KDM4C: variants seen among roughly 807,000 people sequenced by gnomAD.
KDM4C encodes the protein lysine-specific demethylase 4C.
In KDM4C, 81 loss-of-function variants were observed where a neutral mutation model predicts 129.3. The ratio of observed to expected loss-of-function variants is 0.63; its 90% CI spans 0.52 to 0.75. KDM4C has a LOEUF of 0.75. Among genes scored for constraint, KDM4C ranks in the 30% least tolerant of loss-of-function variants. KDM4C has a pLI of 0.00. For missense variants in KDM4C, 1,457 were observed against 1,304.0 expected, an observed-to-expected ratio of 1.12 and a Z score of -1.81; for synonymous variants, 573 against 456.1, an observed-to-expected ratio of 1.26 and a Z score of -3.26.
intron 17 of KDM4C, among the ~76,000 whole-genome samples, chr9:7,071,219 TATTA>T (rs1234859402): frequency 1.3e-5 from 2 of 152,212 alleles, no homozygotes; most frequent in African/African-American, 4.8e-5. Context: ...GTTGTTAAAA[TATTA>T]ATTCTCCACC....
At chr9:6,748,224 T>C (rs1297072885) in intron 1 of KDM4C, among the ~76,000 whole-genome samples, 2 of 140,836 alleles carry the variant, frequency 1.4e-5, no homozygotes, top group Non-Finnish European at 3.1e-5. Flanking sequence ...ACAACAGGAA[T>C]TGGCTGGGCG....
chr9:6,960,512 G>A (rs1829855664), intron 8 of KDM4C, among the ~76,000 whole-genome samples: 1 of 151,854 alleles, frequency 6.6e-6, no homozygotes, highest in African/African-American at 2.4e-5. Context: ...TCCTACCTCG[G>A]CCTTCCAAAA....
intron 17 of KDM4C, among the ~76,000 whole-genome samples, chr9:7,080,247 T>C (rs528499019): frequency 1.3e-5 from 2 of 152,152 alleles, no homozygotes; most frequent in Admixed American, 1.3e-4. Flanking sequence ...ATAACCCCCA[T>C]GTATTCTCCT....
chr9:6,801,618 GCTCTCTCTCTCTCTCT>G (rs147393202), intron 2 of KDM4C, among the ~76,000 whole-genome samples: 3 of 145,512 alleles, frequency 2.1e-5, no homozygotes, highest in African/African-American at 5.0e-5. Context: ...GTGCAGATAT[GCTCTCTCTCTCTCTCT>G]CTCTCTGTCT....
At chr9:6,916,142 T>C (rs778557091) in intron 8 of KDM4C, among the ~76,000 whole-genome samples, 62 of 152,206 alleles carry the variant, frequency 4.1e-4, no homozygotes, top group Non-Finnish European at 8.2e-4. Context: ...GGTAAGGTGT[T>C]TTTGACAGTC....
At chr9:6,963,756 G>A (rs1481199920) in intron 8 of KDM4C, among the ~76,000 whole-genome samples, 1 of 152,126 alleles carries the variant, frequency 6.6e-6, no homozygotes, top group Non-Finnish European at 1.5e-5. Flanking sequence ...TCATTTTCCT[G>A]CCTCTCAGTC....
intron 8 of KDM4C, among the ~76,000 whole-genome samples, chr9:6,904,739 A>G (rs993530260): frequency 2.0e-5 from 3 of 152,224 alleles, no homozygotes; most frequent in African/African-American, 4.8e-5. Context: ...ATGTATTTTT[A>G]AGAAAAACTT....
intron 17 of KDM4C, among the ~76,000 whole-genome samples, chr9:7,083,711 A>ATGTGTGTGTGTGTGTG (rs142609948): frequency 0.012 from 1,717 of 143,274 alleles, 29 homozygotes; most frequent in African/African-American, 0.038. Context: ...CACATGACTG[A>ATGTGTGTGTGTGTGTG]TGTGTGTGTG....
chr9:6,752,416 T>C (rs1818104385), intron 1 of KDM4C, among the ~76,000 whole-genome samples: 1 of 143,686 alleles, frequency 7.0e-6, no homozygotes, highest in African/African-American at 2.7e-5. Flanking sequence ...ACCAGGGATT[T>C]TTTTTTTTTT....
At position 6,768,644 on chromosome 9, in the gene KDM4C, A is replaced by G. The variant is rs540370241; in HGVS notation, c.-18+10441A>G. On this transcript the variant is annotated intron_variant, in intron 1 of 21. Transcript: ENST00000381309. ...TCCAGTCCAGAATTGTGCAATATGT[A>G]TTCTTGTTGTAGGTCTTTTAAGCAT... Among the ~76,000 whole-genome samples the G allele has an allele frequency of 4.6e-5, 7 of 152,256 alleles. No individual in the cohort carries two copies. The South Asian group carries it at 1.2e-3, about 27-fold the overall frequency.
At chr9:7,087,047 A>G (rs987214077) in intron 17 of KDM4C, among the ~76,000 whole-genome samples, 1 of 151,324 alleles carries the variant, frequency 6.6e-6, no homozygotes, top group African/African-American at 2.4e-5. Context: ...GAATGAATCA[A>G]GTAGGTGGAC....
chr9:6,811,486 A>G (rs1831139097), intron 3 of KDM4C, among the ~76,000 whole-genome samples: 1 of 152,090 alleles, frequency 6.6e-6, no homozygotes, highest in Non-Finnish European at 1.5e-5. Context: ...TCTGTAATGT[A>G]CTCAGTCTTA....
chr9:6,967,231 C>A (rs1831144801), intron 8 of KDM4C, among the ~76,000 whole-genome samples: 1 of 152,112 alleles, frequency 6.6e-6, no homozygotes, highest in South Asian at 2.1e-4. Context: ...CAAGACCAAC[C>A]TTGCCAACAT....
upstream of KDM4C, among the ~76,000 whole-genome samples, chr9:6,755,890 T>C (rs910642172): frequency 1.3e-4 from 20 of 152,186 alleles, no homozygotes; most frequent in Admixed American, 6.5e-5. Flanking sequence ...ACATAGTGCT[T>C]TACAGCTTTT....
chr9:6,748,693 T>C lies in KDM4C; in HGVS notation c.49+27696T>C, dbSNP rs199509752. The stretch of plus-strand genomic sequence containing the variant: ...TCCTTCTCAACAATTTCTCACTTCA[T>C]TGATCATTTCTAGTTGGAGACACTT... On this transcript the variant is annotated intron_variant, in intron 1 of 17. Transcript: ENST00000536108. 870 of 1,372,108 alleles carry C rather than the reference T, an allele frequency of 6.3e-4. 2 individuals are homozygous for C. Among genetic ancestry groups the C allele is most frequent in the Non-Finnish European group, 6.9e-4 (667 of 965,904 alleles). 85.0% of individuals were successfully genotyped at this position (1,372,108 alleles called of 1,614,324 possible).
chr9:7,113,061 G>C (rs1323250314), intron 18 of KDM4C, among the ~76,000 whole-genome samples: 1 of 151,888 alleles, frequency 6.6e-6, no homozygotes, highest in Non-Finnish European at 1.5e-5. Flanking sequence ...CAAATGGCCT[G>C]CTGAATTTGC....
intron 1 of KDM4C, among the ~76,000 whole-genome samples, chr9:6,740,920 C>T (rs1156757596): frequency 6.6e-6 from 1 of 151,668 alleles, no homozygotes; most frequent in South Asian, 2.1e-4. Context: ...CTCTGCCTCC[C>T]AGGTTCAAGT....
At chr9:6,987,333 C>CT (rs1817904744) in intron 11 of KDM4C, among the ~76,000 whole-genome samples, 3 of 152,204 alleles carry the variant, frequency 2.0e-5, no homozygotes, top group Non-Finnish European at 4.4e-5. Flanking sequence ...ATTTAGCTTC[C>CT]CATTGTGACT....
At chr9:6,810,464 A>G (rs62568058) in intron 3 of KDM4C, among the ~76,000 whole-genome samples, 10,816 of 152,296 alleles carry the variant, frequency 0.071, 566 homozygotes, top group Non-Finnish European at 0.11. Flanking sequence ...ATTTCTTGAC[A>G]TTCTGGGGTT....
Sources: gnomAD v4.1 joint callset for allele counts (sites outside exome capture counted in the v4.1 genomes callset) on GRCh38, gnomAD v4.1.1 for gene constraint, MANE v1.5 for transcripts, NCBI Gene and HGNC (gene_info 2026-07-23, HGNC 2026-07-21) for gene names.